CACNA2D3: variants seen among roughly 807,000 people sequenced by gnomAD.
CACNA2D3 encodes the protein calcium voltage-gated channel auxiliary subunit alpha2delta 3.
In CACNA2D3, 60 loss-of-function variants were observed where a neutral mutation model predicts 160.6. The observed-to-expected ratio is 0.37, with a 90% CI of 0.30 to 0.46. The LOEUF (loss-of-function observed/expected upper bound fraction) is 0.46. Ranked by LOEUF, CACNA2D3 falls within the 20% of genes least tolerant of loss-of-function variation. The pLI is 1.00. For missense variants in CACNA2D3, 1,205 were observed against 1,365.0 expected, an observed-to-expected ratio of 0.88 and a Z score of 1.85; for synonymous variants, 558 against 492.9, an observed-to-expected ratio of 1.13 and a Z score of -1.75.
chr3:54,529,676 A>G (rs542671457), intron 5 of CACNA2D3, among the ~76,000 whole-genome samples: 1 of 152,312 alleles, frequency 6.6e-6, no homozygotes, highest in South Asian at 2.1e-4. Context: ...CTTGCTGTAG[A>G]GTACAACTGG....
intron 11 of CACNA2D3, among the ~76,000 whole-genome samples, chr3:54,664,804 C>T (rs1700034180): frequency 6.6e-6 from 1 of 152,126 alleles, no homozygotes; most frequent in South Asian, 2.1e-4. Flanking sequence ...TGCAGGAGCT[C>T]AGCAAGGAGG....
intron 27 of CACNA2D3, among the ~76,000 whole-genome samples, chr3:54,913,976 G>A (rs183446508): frequency 1.4e-4 from 22 of 152,262 alleles, no homozygotes; most frequent in Admixed American, 1.2e-3. Flanking sequence ...TGATAATGGT[G>A]TTGTAATTGC....
chr3:54,628,388 A>G (rs1699167980), intron 10 of CACNA2D3, among the ~76,000 whole-genome samples: 1 of 152,132 alleles, frequency 6.6e-6, no homozygotes, highest in Admixed American at 6.5e-5. Flanking sequence ...GGGAAGAGAG[A>G]ATGCTAGGGA....
At chr3:54,652,237 G>A (rs1296783244) in intron 11 of CACNA2D3, among the ~76,000 whole-genome samples, 1 of 151,868 alleles carries the variant, frequency 6.6e-6, no homozygotes, top group Non-Finnish European at 1.5e-5. Context: ...GCTGGCAGCG[G>A]AAAAAAAGGG....
In CACNA2D3 at chr3:54,300,857, A is replaced by G. The variant is rs144540169; in HGVS notation, c.205-19585A>G. Among the ~76,000 whole-genome samples the G allele has an allele frequency of 4.3e-3, 661 of 152,130 alleles. 8 individuals carry two copies. Among genetic ancestry groups the G allele is most frequent in the Middle Eastern group, 0.034 (10 of 294 alleles). On this transcript the variant is annotated intron_variant, in intron 2 of 37. Coordinates refer to ENST00000474759, the MANE Select transcript of CACNA2D3 (RefSeq NM_018398.3). The stretch of plus-strand genomic sequence containing the variant: ...AAGCGAGACTCCATTTCTACCAAAA[A>G]TTTGTTTTAAAAAATTAGCTGGGCA...
intron 5 of CACNA2D3, among the ~76,000 whole-genome samples, chr3:54,537,051 C>G (rs1701900540): frequency 6.6e-6 from 1 of 151,640 alleles, no homozygotes; most frequent in Non-Finnish European, 1.5e-5. Context: ...GTCCTATCAG[C>G]TAAGTATTGT....
At chr3:55,042,874 A>G (rs956930075) in intron 35 of CACNA2D3, among the ~76,000 whole-genome samples, 2 of 152,212 alleles carry the variant, frequency 1.3e-5, no homozygotes, top group African/African-American at 4.8e-5. Context: ...TGAATGTCAT[A>G]TAAGTAGAAT....
At chr3:54,819,539 C>G (rs1194307639) in intron 14 of CACNA2D3, among the ~76,000 whole-genome samples, 1 of 152,086 alleles carries the variant, frequency 6.6e-6, no homozygotes. Context: ...GGTGCTCCCC[C>G]CATTTCATTA....
At chr3:54,810,371 C>T (rs745595534) in intron 13 of CACNA2D3, among the ~76,000 whole-genome samples, 3 of 152,186 alleles carry the variant, frequency 2.0e-5, no homozygotes, top group Non-Finnish European at 4.4e-5. Flanking sequence ...CAAATCTTAG[C>T]TCATCAGAGA....
chr3:54,195,143 G>A (rs887532436), intron 2 of CACNA2D3, among the ~76,000 whole-genome samples: 2 of 152,098 alleles, frequency 1.3e-5, no homozygotes, highest in Admixed American at 6.6e-5. Context: ...CCAGAGTCCC[G>A]CCTCCCAGAG....
intron 27 of CACNA2D3, among the ~76,000 whole-genome samples, chr3:54,924,234 A>C (rs1700943669): frequency 6.6e-6 from 1 of 152,232 alleles, no homozygotes; most frequent in Non-Finnish European, 1.5e-5. Context: ...AAAATATCCC[A>C]GAGAGAGATA....
intron 2 of CACNA2D3, among the ~76,000 whole-genome samples, chr3:54,226,176 A>G (rs1421860685): frequency 2.6e-5 from 4 of 152,118 alleles, no homozygotes; most frequent in Non-Finnish European, 5.9e-5. Context: ...GCCTTTTGAT[A>G]GCTACTCTCA....
intron 2 of CACNA2D3, among the ~76,000 whole-genome samples, chr3:54,229,832 C>G (rs1701738291): frequency 6.6e-6 from 1 of 152,064 alleles, no homozygotes; most frequent in African/African-American, 2.4e-5. Flanking sequence ...TTTGTTATAT[C>G]TTGTTCAGAC....
At chr3:54,572,851 C>T (rs985626470) in intron 8 of CACNA2D3, among the ~76,000 whole-genome samples, 3 of 152,138 alleles carry the variant, frequency 2.0e-5, no homozygotes, top group Admixed American at 6.5e-5. Flanking sequence ...CAGAAATTCA[C>T]GTAATAAGAA....
intron 4 of CACNA2D3, among the ~76,000 whole-genome samples, chr3:54,473,816 A>G (rs759872925): frequency 6.6e-6 from 1 of 152,246 alleles, no homozygotes; most frequent in Non-Finnish European, 1.5e-5. Context: ...GAGAAATGCA[A>G]ATCAGAACCA....
rs181902037 is a variant in CACNA2D3 at position 54,541,541 on chromosome 3, G to A, written c.545-21259G>A. 9.3e-4 allele frequency among the ~76,000 whole-genome samples: 142 copies of A among 152,260 alleles called. 2 individuals are homozygous for A. The highest frequency in any genetic ancestry group is 8.2e-3 in the Admixed American group (125 of 15,298). ...TCTGGCCTCCAGAACTAAGGAGTAA[G>A]TTTCTGTTGTTCTAAGCCACCCTGG... On this transcript the variant is annotated intron_variant, in intron 5 of 37. Transcript: ENST00000474759.
intron 17 of CACNA2D3, among the ~76,000 whole-genome samples, chr3:54,850,314 A>G (rs1699029837): frequency 6.6e-6 from 1 of 152,236 alleles, no homozygotes; most frequent in African/African-American, 2.4e-5. Flanking sequence ...CAAGGTGGGG[A>G]ATGGAACAAC....
At chr3:54,591,813 C>A (rs1702865891) in intron 9 of CACNA2D3, among the ~76,000 whole-genome samples, 1 of 151,992 alleles carries the variant, frequency 6.6e-6, no homozygotes, top group Non-Finnish European at 1.5e-5. Flanking sequence ...TCTGTATAAA[C>A]CTGTGTAGAA....
chr3:54,977,994 T>TAAA (rs1702428385), intron 29 of CACNA2D3, among the ~76,000 whole-genome samples: 1 of 152,218 alleles, frequency 6.6e-6, no homozygotes, highest in Non-Finnish European at 1.5e-5. Context: ...ATAGGGTATC[T>TAAA]TCCTGACGTT....
Sources: gnomAD v4.1 joint callset for allele counts (sites outside exome capture counted in the v4.1 genomes callset) on GRCh38, gnomAD v4.1.1 for gene constraint, MANE v1.5 for transcripts, NCBI Gene and HGNC (gene_info 2026-07-23, HGNC 2026-07-21) for gene names.